The following ZNF497 variants were observed in gnomAD, a reference collection of about 807,000 sequenced individuals.
The protein encoded by ZNF497 is zinc finger-like protein.
For missense variants in ZNF497, 930 were observed against 714.0 expected, an observed-to-expected ratio of 1.30 and a Z score of -3.45; for synonymous variants, 422 against 313.7, an observed-to-expected ratio of 1.35 and a Z score of -3.65.
chr19:58,362,165 T>C (rs1443412962), intron 1 of ZNF497, among the ~76,000 whole-genome samples: 2 of 152,146 alleles, frequency 1.3e-5, no homozygotes, highest in Non-Finnish European at 2.9e-5. Context: ...TCACGGGTAC[T>C]TGTGTCTCCC....
Position 58,356,324 on chromosome 19 carries a change from C to G in ZNF497, c.1312G>C (p.Gly438Arg), listed in dbSNP as rs1423130271. The G allele has an allele frequency of 6.3e-7, 1 of 1,576,730 alleles. No individual in the cohort carries two copies. The highest frequency in any genetic ancestry group is 1.1e-5 in the South Asian group (1 of 87,336). Reference sequence around the variant, plus strand: ...TGGGCGCAGACGAACGGCCTCTCGCCAGAGTGCAGGCGCTGGTGCTGGCGC... The same window carrying G: ...TGGGCGCAGACGAACGGCCTCTCGCGAGAGTGCAGGCGCTGGTGCTGGCGC... ...ELRQHQRLHS[G>R]ERPFVCAHCS... The change falls in exon 3 of 3, where the codon GGC becomes CGC. Residue 438 changes from glycine to arginine, a missense_variant. Physicochemically the swap from Gly to Arg is moderately radical, Grantham distance 125. Coordinates refer to ENST00000311044, the MANE Select transcript of ZNF497 (RefSeq NM_198458.3).
chr19:58,359,118 C>T (rs1455844275), intron 1 of ZNF497: 1 of 1,152,790 alleles, frequency 8.7e-7, no homozygotes, highest in South Asian at 1.3e-5. Flanking sequence ...TGAGCCAGGG[C>T]CCCTCGGGGC....
intron 2 of ZNF497, chr19:58,358,139 T>C (rs1321886329): frequency 1.6e-6 from 2 of 1,267,200 alleles, no homozygotes; most frequent in African/African-American, 3.3e-5. Context: ...CCTGGCCGGA[T>C]CCCTGGGTAG....
chr19:58,356,060 G>A lies in ZNF497; in HGVS notation c.*79C>T, dbSNP rs907855044. Reference sequence around the variant, plus strand: ...CCGCACCGGCGGCCCGAAAAAGTCTGGGCCAGCAGACAGCGCACTCACGCC... The same window carrying A: ...CCGCACCGGCGGCCCGAAAAAGTCTAGGCCAGCAGACAGCGCACTCACGCC... On this transcript the variant is annotated 3_prime_UTR_variant, in exon 3 of 3. Coordinates refer to ENST00000311044, the MANE Select transcript of ZNF497 (RefSeq NM_198458.3). 6 of 1,427,628 alleles carry A rather than the reference G, an allele frequency of 4.2e-6. No homozygotes were observed. In the African/African-American group the frequency reaches 8.7e-5, roughly 21 times the overall value. The allele number at this position is 1,427,628 out of a possible 1,614,324, so 88.4% of individuals were successfully genotyped here.
rs753786885 is a variant in ZNF497, at chr19:58,356,818, G to C, written c.818C>G (p.Pro273Arg). Residue 273 changes from proline (P) to arginine (R), a missense_variant, in exon 3 of 3, where the codon CCA becomes CGA. Transcript: ENST00000311044. ...CTTGCCGCAGTCGGGACAGGCGTGT[G>C]GCCGTGCGCCCGCGTGGATCTTCAG... ...EHLKIHAGAR[P>R]HACPDCGKAF... is the part of the protein sequence containing the mutation. The C allele has an allele frequency of 3.2e-6, 5 of 1,571,620 alleles. No individual in the cohort carries two copies. Among genetic ancestry groups the C allele is most frequent in the African/African-American group, 1.4e-5 (1 of 73,918 alleles).
chr19:58,355,284 A>C lies in ZNF497; in HGVS notation c.*855T>G, dbSNP rs2052004910. On this transcript the variant is annotated 3_prime_UTR_variant, in exon 3 of 3. Coordinates refer to ENST00000311044, the MANE Select transcript of ZNF497 (RefSeq NM_198458.3). The stretch of plus-strand genomic sequence containing the variant: ...CAACGCTTTGGGAGGCTGAGGCAGG[A>C]GGATCACTTGAGCCCAGGAGTTTTG... 1 of 152,406 alleles carries C rather than the reference A, an allele frequency of 6.6e-6. No homozygotes were observed. The highest frequency in any genetic ancestry group is 2.4e-5 in the African/African-American group (1 of 41,468). 9.4% of individuals were successfully genotyped at this position (152,406 alleles called of 1,614,324 possible). A position where few individuals can be genotyped will look rare whatever the true frequency, so the allele number is the denominator to read the frequency against.
At chr19:58,360,767 CTTTTTT>C (rs551580074) in intron 1 of ZNF497, among the ~76,000 whole-genome samples, 4 of 34,470 alleles carry the variant, frequency 1.2e-4, no homozygotes, top group South Asian at 1.2e-3. Flanking sequence ...GTCCCGAACT[CTTTTTT>C]TTTTTTTTTT....
At chr19:58,359,058 C>A in intron 1 of ZNF497, 1 of 615,378 alleles carries the variant, frequency 1.6e-6, no homozygotes, top group South Asian at 1.5e-5. Flanking sequence ...AGCATCTGCT[C>A]CTTGGAGCAG....
intron 1 of ZNF497, chr19:58,359,103 G>A (rs986229399): frequency 4.0e-6 from 4 of 1,001,888 alleles, no homozygotes; most frequent in Non-Finnish European, 5.5e-6. Flanking sequence ...CACAGCTCAC[G>A]CAGCTGAGCC....
intron 1 of ZNF497, among the ~76,000 whole-genome samples, chr19:58,361,212 G>A (rs546727461): frequency 6.6e-6 from 1 of 152,150 alleles, no homozygotes; most frequent in Non-Finnish European, 1.5e-5. Flanking sequence ...TGGTAGAAAT[G>A]AGAACAGATT....
intron 1 of ZNF497, chr19:58,362,473 G>T (rs2052104584): frequency 6.6e-6 from 1 of 152,246 alleles, no homozygotes; most frequent in Non-Finnish European, 1.5e-5. Context: ...CAGCAAACGG[G>T]AGCCATTTCC....
chr19:58,359,971 CAAA>C (rs36026323), intron 1 of ZNF497, among the ~76,000 whole-genome samples: 13 of 136,032 alleles, frequency 9.6e-5, no homozygotes, highest in Non-Finnish European at 8.1e-5. Flanking sequence ...GACTCTGTCT[CAAA>C]AAAAAAAAAA....
chr19:58,357,545 C>G lies in ZNF497; in HGVS notation c.91G>C (p.Glu31Gln), dbSNP rs2052042525. 1 of 1,605,584 alleles carries G rather than the reference C, an allele frequency of 6.2e-7. No individual in the cohort carries two copies. The change falls in exon 3 of 3, where the codon GAG becomes CAG. Residue 31 changes from glutamate to glutamine, a missense_variant. Physicochemically the swap from Glu to Gln is conservative, Grantham distance 29. Coordinates refer to ENST00000311044, the MANE Select transcript of ZNF497 (RefSeq NM_198458.3). ...CCCCAGCCTCCAGACACAGCCCCCT[C>G]AGAGAGGCCCCTCGTGGCAGTCTTC... The part of the protein sequence containing the change: ...NVKTATRGLS[E>Q]GAVSGGWGAW...
rs2148005608 is a variant in ZNF497, at chr19:58,356,639, C to T, written c.997G>A (p.Ala333Thr). 1.9e-6 allele frequency: 3 copies of T among 1,539,548 alleles called. No individual in the cohort carries two copies. The highest frequency in any genetic ancestry group is 2.8e-5 in the African/African-American group (2 of 71,624). Residue 333 changes from alanine to threonine, a missense_variant, in exon 3 of 3, where the codon GCC becomes ACC. Ala to Thr is a moderately conservative substitution (Grantham distance 58). Transcript: ENST00000311044. The part of the protein sequence containing the change: ...THTGERPFEC[A>T]ECGQAFVMGS... Reference sequence around the variant, plus strand: ...ATGACGAAAGCCTGGCCGCACTCGGCGCACTCGAAGGGCCGCTCACCAGTG... The same window carrying T: ...ATGACGAAAGCCTGGCCGCACTCGGTGCACTCGAAGGGCCGCTCACCAGTG...
chr19:58,356,808 A>T lies in ZNF497; in HGVS notation c.828T>A (p.Cys276Ter). The change falls in exon 3 of 3, where the codon TGT becomes TGA. Residue 276 changes from cysteine (C) to a stop codon, truncating the protein, a stop_gained. Transcript: ENST00000311044. LOFTEE classifies it low-confidence loss of function (END_TRUNC). ...KIHAGARPHA[C>*]PDCGKAFVRV... ...GCACGAAGGCCTTGCCGCAGTCGGG[A>T]CAGGCGTGTGGCCGTGCGCCCGCGT... The T allele has an allele frequency of 1.3e-6, 2 of 1,532,754 alleles. No individual in the cohort carries two copies. The highest frequency in any genetic ancestry group is 1.7e-6 in the Non-Finnish European group (2 of 1,147,042). The allele number at this position is 1,532,754 out of a possible 1,614,324, so 94.9% of individuals were successfully genotyped here.
intron 1 of ZNF497, 174 bp from the exon 2 acceptor site, chr19:58,358,759 C>G: frequency 2.2e-6 from 1 of 460,186 alleles, no homozygotes; most frequent in Non-Finnish European, 4.3e-6. Context: ...CAAGCCAAGA[C>G]CACCAAACTC....
Position 58,356,735 on chromosome 19 carries a change from G to A in ZNF497, c.901C>T (p.Pro301Ser), listed in dbSNP as rs2052027127. The change falls in exon 3 of 3, where the codon CCC becomes TCC. Residue 301 changes from proline (P) to serine (S), a missense_variant. Physicochemically the swap from Pro to Ser is moderately conservative, Grantham distance 74. Transcript: ENST00000311044. ...TTTCCGCACTCGGCGCAGGGGAAGG[G>A]CTTCTCGCTGCTGTGCGTGCGCCGG... is the stretch of plus-strand genomic sequence containing the variant. ...QHRRTHSSEK[P>S]FPCAECGKAF... 3.2e-6 allele frequency: 5 copies of A among 1,570,114 alleles called. No individual in the cohort carries two copies. The highest frequency in any genetic ancestry group is 3.6e-5 in the Admixed American group (2 of 54,842).
At chr19:58,359,304 C>T in intron 1 of ZNF497, 2 of 1,267,992 alleles carry the variant, frequency 1.6e-6, no homozygotes, top group South Asian at 1.2e-5. Flanking sequence ...GCTGCATGGC[C>T]CAGGGTACTT....
chr19:58,356,768 G>T lies in ZNF497; in HGVS notation c.868C>A (p.Arg290=), dbSNP rs770629020. 290 of 1,550,474 alleles carry T rather than the reference G, an allele frequency of 1.9e-4. 1 individual carries two copies. The highest frequency in any genetic ancestry group is 2.4e-4 in the Non-Finnish European group (274 of 1,156,076). The change falls in exon 3 of 3, where the codon CGG becomes AGG. Residue 290 remains arginine, a synonymous_variant. Transcript: ENST00000311044. ...CTGCTGTGCGTGCGCCGGTGCTGCC[G>T]CAGCCCCGCCACACGCACGAAGGCC... is the stretch of plus-strand genomic sequence containing the variant. ...GKAFVRVAGL[R]QHRRTHSSEK... is the part of the protein sequence containing the mutation.
Sources: allele counts gnomAD v4.1 joint callset (sites outside exome capture counted in the v4.1 genomes callset), GRCh38; gene constraint gnomAD v4.1.1; transcripts MANE v1.5; gene names NCBI Gene and HGNC (gene_info 2026-07-23, HGNC 2026-07-21).